PPP2R3B: variants seen among roughly 807,000 people sequenced by gnomAD.
PPP2R3B encodes the protein serine/threonine-protein phosphatase 2A regulatory subunit B'' subunit beta.
In PPP2R3B, 68 loss-of-function variants were observed where a neutral mutation model predicts 72.9. The ratio of observed to expected loss-of-function variants is 0.93; its 90% CI spans 0.77 to 1.14. The LOEUF (loss-of-function observed/expected upper bound fraction) is 1.14, where lower values mean the gene tolerates loss of function less well. PPP2R3B is among the 50% of genes most tolerant of loss of function. The probability of loss-of-function intolerance (pLI) is 0.00; values close to 1 mark genes in which losing one functional copy is unlikely to be tolerated. For missense variants in PPP2R3B, 1,018 were observed against 842.0 expected (o/e 1.21, Z -2.59); for synonymous variants, 466 against 375.8 (o/e 1.24, Z -2.78).
Position 340,767 on chromosome X carries a change from T to A in PPP2R3B, c.1349A>T (p.Glu450Val), listed in dbSNP as rs760597946. The change falls in exon 10 of 13, where the codon GAA becomes GTA. Residue 450 changes from glutamate (E) to valine (V), a missense_variant and splice_region_variant. Transcript: ENST00000390665. ...GCCATGCCCTCACGGGGCATCACCT[T>A]CAGTCCTCGGCTTGACCAGGTCCAG... is the stretch of plus-strand genomic sequence containing the variant. ...QMLDLVKPRT[E>V]GKITLQDLKR... The A allele has an allele frequency of 6.2e-6, 10 of 1,609,518 alleles. No homozygotes were observed. In the East Asian group the frequency reaches 2.2e-4, roughly 36 times the overall value.
chrX:362,906 C>A (rs1363488083), intron 1 of PPP2R3B, among the ~76,000 whole-genome samples: 1 of 151,126 alleles, frequency 6.6e-6, no homozygotes, highest in Admixed American at 6.6e-5. Flanking sequence ...TCCCACAGCG[C>A]CCCAACTGTC....
intron 7 of PPP2R3B, chrX:342,264 C>G (rs1314990469): frequency 2.0e-6 from 1 of 489,636 alleles, no homozygotes; most frequent in Non-Finnish European, 3.7e-6. Flanking sequence ...GAAACAAACA[C>G]GTTTCAACCA....
chrX:355,912 AG>A (rs1485505082), intron 2 of PPP2R3B, among the ~76,000 whole-genome samples: 5 of 152,234 alleles, frequency 3.3e-5, no homozygotes, highest in African/African-American at 9.6e-5. Context: ...TGCTGTGGAT[AG>A]TTTCATGGGT....
chrX:335,655 A>G (rs2070869310), intron 12 of PPP2R3B: 1 of 152,220 alleles, frequency 6.6e-6, no homozygotes, highest in African/African-American at 2.4e-5. Context: ...GAAGATACTC[A>G]AGGAAAACAG....
At chrX:338,557 G>A (rs769150919) in intron 12 of PPP2R3B, 47 bp downstream of exon 12, 30 of 1,339,530 alleles carry the variant, frequency 2.2e-5, no homozygotes, top group East Asian at 5.8e-5. Flanking sequence ...CCACTCACCC[G>A]TCCTCCCACT....
chrX:373,349 C>T (rs1292213742), intron 1 of PPP2R3B, among the ~76,000 whole-genome samples: 1 of 152,194 alleles, frequency 6.6e-6, no homozygotes, highest in Non-Finnish European at 1.5e-5. Context: ...CGGCGTGCGG[C>T]CCGAGCGGGT....
chrX:384,374 G>A (rs2072199050), intron 1 of PPP2R3B, among the ~76,000 whole-genome samples: 1 of 150,386 alleles, frequency 6.6e-6, no homozygotes, highest in East Asian at 2.0e-4. Context: ...TCAGCTCACA[G>A]TAATCTCCGA....
chrX:352,429 T>A (rs1319215636), intron 2 of PPP2R3B, among the ~76,000 whole-genome samples: 1 of 151,312 alleles, frequency 6.6e-6, no homozygotes, highest in Non-Finnish European at 1.5e-5. Context: ...GTTCACCTTT[T>A]CCAGGACACG....
intron 2 of PPP2R3B, among the ~76,000 whole-genome samples, chrX:349,254 C>T (rs1011750702): frequency 2.1e-4 from 32 of 152,106 alleles, no homozygotes; most frequent in Admixed American, 6.5e-5. Flanking sequence ...CCCGTGAGGA[C>T]GCAGCGGGAA....
intron 2 of PPP2R3B, among the ~76,000 whole-genome samples, chrX:358,138 T>C (rs1165829986): frequency 6.6e-6 from 1 of 152,048 alleles, no homozygotes; most frequent in African/African-American, 2.4e-5. Flanking sequence ...CCCCTACTCG[T>C]TCGTCCCCTG....
rs373030431 is a variant in PPP2R3B, at chrX:345,496, G to A, written c.1036+20C>T. 3.5e-5 allele frequency: 55 copies of A among 1,557,598 alleles called. No individual in the cohort carries two copies. The highest frequency in any genetic ancestry group is 4.7e-5 in the Non-Finnish European group (53 of 1,131,760). On this transcript the variant is annotated intron_variant, in intron 7 of 12. Transcript: ENST00000390665. ...TGCTCGGTGTCCGCGCGGCCCGCCC[G>A]CCCCTGTGCCCCCACGCACCGTGGT... is the stretch of plus-strand genomic sequence containing the variant.
chrX:370,508 G>A (rs1361495731), intron 1 of PPP2R3B, among the ~76,000 whole-genome samples: 7 of 152,304 alleles, frequency 4.6e-5, no homozygotes, highest in East Asian at 1.9e-4. Flanking sequence ...GGTGGATGCC[G>A]CGCAACACAG....
rs1463172253 is a variant in PPP2R3B at position 359,983 on chromosome X, C to T, written c.510+1422G>A. 3.1e-5 allele frequency: 11 copies of T among 353,222 alleles called. No individual in the cohort carries two copies. In the East Asian group the frequency reaches 1.0e-3, roughly 33 times the overall value. 21.9% of individuals were successfully genotyped at this position (353,222 alleles called of 1,614,324 possible). On this transcript the variant is annotated intron_variant, in intron 2 of 12. Transcript: ENST00000390665. ...TTTTAAAATACTTTAAAAACACAAT[C>T]CCTAATAGAAAAAGGGCGGGGACAC...
chrX:341,232 G>T (rs1247661040), intron 9 of PPP2R3B, 75 bp downstream of exon 9: 2 of 1,537,778 alleles, frequency 1.3e-6, no homozygotes, highest in African/African-American at 1.4e-5. Flanking sequence ...GCAGGCATCC[G>T]CCTGGGGACA....
rs138229897 is a variant in PPP2R3B, at chrX:338,708, G to A, written c.1473C>T (p.Asp491=). The stretch of plus-strand genomic sequence containing the variant: ...AGAGCTCGGGGCCGCCGCTGTCACC[G>A]TCCTGGAGGAAGCACACGGGTTACG... The part of the protein sequence containing the change: ...EQKEQISLLR[D]GDSGGPELSD... The change falls in exon 12 of 13, where the codon GAC becomes GAT. Residue 491 remains aspartate, a splice_region_variant and synonymous_variant. Coordinates refer to ENST00000390665, the MANE Select transcript of PPP2R3B (RefSeq NM_013239.5). The A allele has an allele frequency of 4.4e-4, 711 of 1,611,886 alleles. 6 individuals carry two copies. The South Asian group carries it at 6.4e-3, about 15-fold the overall frequency.
Position 386,831 on chromosome X carries a change from CG to C in PPP2R3B, c.-141del. On this transcript the variant is annotated 5_prime_UTR_variant, in exon 1 of 13. Transcript: ENST00000390665. ...GGCGCAGGGAACAGGGCCCGCGCCT[CG>C]GGAACTGCGCGGACTCGCGGGGCGC... 2.8e-6 allele frequency: 1 copy of C among 360,786 alleles called. No individual in the cohort carries two copies. The highest frequency in any genetic ancestry group is 4.2e-6 in the Non-Finnish European group (1 of 235,378). 22.3% of individuals were successfully genotyped at this position (360,786 alleles called of 1,614,324 possible). A position where few individuals can be genotyped will look rare whatever the true frequency, so the allele number is the denominator to read the frequency against.
rs1434191849 is a variant in PPP2R3B at position 345,541 on chromosome X, G to T, written c.1011C>A (p.Asp337Glu). 1.2e-6 allele frequency: 2 copies of T among 1,613,108 alleles called. No homozygotes were observed. Among genetic ancestry groups the T allele is most frequent in the Non-Finnish European group, 1.7e-6 (2 of 1,179,514 alleles). The change falls in exon 7 of 13, where the codon GAC (aspartate) becomes GAA (glutamate). Residue 337 changes from aspartate (D) to glutamate (E), a missense_variant. By Grantham distance (45) the Asp-to-Glu change is conservative (BLOSUM62 2). Transcript: ENST00000390665. Reference protein sequence around the residue: ...DTDHDLLIDADDLARHNDHAL... With the variant: ...DTDHDLLIDAEDLARHNDHAL... Reference sequence around the variant, plus strand: ...CGTGGTCATTGTGCCGCGCCAGGTCGTCCGCGTCGATGAGCAGGTCGTGGT... The same window carrying T: ...CGTGGTCATTGTGCCGCGCCAGGTCTTCCGCGTCGATGAGCAGGTCGTGGT...
chrX:369,967 G>A (rs1033255402), intron 1 of PPP2R3B, among the ~76,000 whole-genome samples: 5 of 152,106 alleles, frequency 3.3e-5, no homozygotes, highest in African/African-American at 9.7e-5. Context: ...TGAGCCCCTC[G>A]CCCACCCAGA....
chrX:343,799 A>ACG (rs1299109487), intron 7 of PPP2R3B, among the ~76,000 whole-genome samples: 2 of 14,982 alleles, frequency 1.3e-4, no homozygotes, highest in Admixed American at 4.6e-4. Context: ...GACCTCACCA[A>ACG]GGAGACGCGG....
Sources: gnomAD v4.1 joint callset for allele counts (sites outside exome capture counted in the v4.1 genomes callset) on GRCh38, gnomAD v4.1.1 for gene constraint, MANE v1.5 for transcripts, NCBI Gene and HGNC (gene_info 2026-07-23, HGNC 2026-07-21) for gene names.